Variants in SHCBP1 observed in about 807,000 individuals in gnomAD.
The protein encoded by SHCBP1 is SHC SH2 domain-binding protein 1.
SHCBP1 carries 60 observed loss-of-function variants against 75.1 expected under a neutral mutation model. That is an observed-to-expected ratio of 0.80 (90% CI 0.65 to 0.99). SHCBP1 has a LOEUF of 0.99. Ranked by LOEUF, SHCBP1 falls within the 50% of genes least tolerant of loss-of-function variation. The probability of loss-of-function intolerance (pLI) is 0.00; values close to 1 mark genes in which losing one functional copy is unlikely to be tolerated. For synonymous variants in SHCBP1, 290 were observed against 293.2 expected (o/e 0.99, Z 0.11); for missense variants, 709 against 809.4 (o/e 0.88, Z 1.50).
At chr16:46,593,133 G>A (rs1965077764) in intron 10 of SHCBP1, among the ~76,000 whole-genome samples, 1 of 151,028 alleles carries the variant, frequency 6.6e-6, no homozygotes, top group African/African-American at 2.5e-5. Flanking sequence ...TAAGGCAAGG[G>A]GGGAAAAAGG....
At chr16:46,606,153 T>C (rs1424342451) in intron 5 of SHCBP1, among the ~76,000 whole-genome samples, 1 of 152,208 alleles carries the variant, frequency 6.6e-6, no homozygotes, top group African/African-American at 2.4e-5. Context: ...TGATACTTCA[T>C]AGTCTAAAAG....
chr16:46,606,694 A>G (rs1273735276), intron 5 of SHCBP1, among the ~76,000 whole-genome samples: 2 of 152,244 alleles, frequency 1.3e-5, no homozygotes, highest in Admixed American at 1.3e-4. Context: ...TGAATATGCT[A>G]TGGAAAAATA....
At chr16:46,582,385 T>C (rs1242915789) in intron 12 of SHCBP1, among the ~76,000 whole-genome samples, 1 of 152,226 alleles carries the variant, frequency 6.6e-6, no homozygotes, top group African/African-American at 2.4e-5. Flanking sequence ...CCCCACCCCC[T>C]GGTATTACTT....
rs968047415 is a variant in SHCBP1, at chr16:46,580,567, T to G, written c.*1162A>C. ...AACAAGATTCAATTTTGTTATTTCA[T>G]CACTATAATTTTAATCATTAGGCAT... is the stretch of plus-strand genomic sequence containing the variant. On this transcript the variant is annotated 3_prime_UTR_variant, in exon 13 of 13. Transcript: ENST00000303383. 2 of 152,174 alleles carry G rather than the reference T, an allele frequency of 1.3e-5. No individual in the cohort carries two copies. The highest frequency in any genetic ancestry group is 2.9e-5 in the Non-Finnish European group (2 of 68,030). 9.4% of individuals were successfully genotyped at this position (152,174 alleles called of 1,614,324 possible). A position where few individuals can be genotyped will look rare whatever the true frequency, so the allele number is the denominator to read the frequency against.
intron 5 of SHCBP1, 28 bp downstream of exon 5, chr16:46,608,269 T>C: frequency 6.5e-7 from 1 of 1,539,582 alleles, no homozygotes; most frequent in Non-Finnish European, 9.0e-7. Flanking sequence ...TTCCAACATG[T>C]ACAACAAGGT....
In SHCBP1 at chr16:46,580,182, C is replaced by T. The variant is rs2142996790; in HGVS notation, c.*1547G>A. On this transcript the variant is annotated 3_prime_UTR_variant, in exon 13 of 13. Transcript: ENST00000303383. ...TGAATAAATGGTTTTTATCTTAAGGCATCACATCTAGAGGCAAAAATTAAA... is the reference window on the plus strand; with the variant it reads ...TGAATAAATGGTTTTTATCTTAAGGTATCACATCTAGAGGCAAAAATTAAA... Among the ~76,000 whole-genome samples, 1 of 150,378 alleles carries T rather than the reference C, an allele frequency of 6.6e-6. No individual in the cohort carries two copies. The highest frequency in any genetic ancestry group is 6.6e-5 in the Admixed American group (1 of 15,086).
intron 4 of SHCBP1, among the ~76,000 whole-genome samples, chr16:46,608,950 G>A (rs1327332894): frequency 1.3e-5 from 2 of 152,070 alleles, no homozygotes; most frequent in African/African-American, 4.8e-5. Flanking sequence ...GTACCTGGCT[G>A]GATGGTAGTG....
Position 46,604,159 on chromosome 16 carries a change from C to T in SHCBP1, c.924-16G>A, listed in dbSNP as rs1369449475. The T allele has an allele frequency of 6.2e-7, 1 of 1,613,290 alleles. No homozygotes were observed. Among genetic ancestry groups the T allele is most frequent in the African/African-American group, 1.3e-5 (1 of 74,870 alleles). On this transcript the variant is annotated splice_polypyrimidine_tract_variant and intron_variant, in intron 6 of 12. Transcript: ENST00000303383. ...AAACACATACCTTAAAGAAACGAAA[C>T]AGGCCTATCAGTAAGACAGCAAGTA...
rs1596664365 is a variant in SHCBP1 at position 46,579,345 on chromosome 16, A to G, written c.*2384T>C. Reference sequence around the variant, plus strand: ...CCATGATTGAGGCAAAATGTACTGCATATAACTTAAATAAGAACAAAGTAG... The same window carrying G: ...CCATGATTGAGGCAAAATGTACTGCGTATAACTTAAATAAGAACAAAGTAG... On this transcript the variant is annotated 3_prime_UTR_variant, in exon 13 of 13. Transcript: ENST00000303383. Among the ~76,000 whole-genome samples, 1 of 152,208 alleles carries G rather than the reference A, an allele frequency of 6.6e-6. No homozygotes were observed. Among genetic ancestry groups the G allele is most frequent in the Admixed American group, 6.5e-5 (1 of 15,284 alleles).
intron 10 of SHCBP1, among the ~76,000 whole-genome samples, chr16:46,585,155 C>T (rs1964937402): frequency 6.6e-6 from 1 of 152,054 alleles, no homozygotes; most frequent in Non-Finnish European, 1.5e-5. Context: ...TGTCAGGAAT[C>T]ACATAAAATT....
chr16:46,599,809 T>C lies in SHCBP1; in HGVS notation c.1345+22A>G, dbSNP rs554990314. On this transcript the variant is annotated intron_variant, in intron 9 of 12. Transcript: ENST00000303383. The stretch of plus-strand genomic sequence containing the variant: ...CCTTCAAATCTTAGAACAAATGATA[T>C]ACCAAACATTCAGATACTTACTTAA... 8.3e-5 allele frequency: 131 copies of C among 1,576,408 alleles called. No individual in the cohort carries two copies. The South Asian group carries it at 1.2e-3, about 14-fold the overall frequency.
At position 46,616,229 on chromosome 16, in the gene SHCBP1, C is replaced by G. The variant is rs1048987767; in HGVS notation, c.388-75G>C. The G allele has an allele frequency of 1.4e-6, 2 of 1,459,968 alleles. No individual in the cohort carries two copies. Among genetic ancestry groups the G allele is most frequent in the African/African-American group, 2.8e-5 (2 of 71,030 alleles). 90.4% of individuals were successfully genotyped at this position (1,459,968 alleles called of 1,614,324 possible). ...ACACCTATAAGACACTACTGACAAC[C>G]TGATTTTTTTAAAAGCATACAACAT... On this transcript the variant is annotated intron_variant, in intron 3 of 12. Coordinates refer to ENST00000303383, the MANE Select transcript of SHCBP1 (RefSeq NM_024745.5). The surrounding 1 kb of genome is among the most constrained non-coding windows in gnomAD (Gnocchi z 4.4).
intron 12 of SHCBP1, 109 bp from the exon 13 acceptor site, chr16:46,582,163 A>C: frequency 8.7e-7 from 1 of 1,145,526 alleles, no homozygotes; most frequent in Non-Finnish European, 1.2e-6. Context: ...TTTCTATACC[A>C]AGGTTCCCTG....
intron 5 of SHCBP1, 118 bp from the exon 6 acceptor site, chr16:46,604,579 G>A: frequency 1.5e-6 from 1 of 670,742 alleles, no homozygotes; most frequent in Non-Finnish European, 2.7e-6. Flanking sequence ...TAACTCAGGT[G>A]CATGTTAAGT....
At chr16:46,612,515 C>T (rs567398392) in intron 4 of SHCBP1, among the ~76,000 whole-genome samples, 2 of 152,114 alleles carry the variant, frequency 1.3e-5, no homozygotes, top group South Asian at 4.1e-4. Flanking sequence ...TGCCTCTACT[C>T]GATTGAAAAA....
chr16:46,599,684 A>AAAAAAC, intron 9 of SHCBP1, 147 bp downstream of exon 9: 1 of 330,770 alleles, frequency 3.0e-6, no homozygotes, highest in African/African-American at 2.2e-5. Flanking sequence ...AAAAAAAAAA[A>AAAAAAC]AAAAAAAACT....
intron 10 of SHCBP1, among the ~76,000 whole-genome samples, chr16:46,586,401 T>G (rs1287969273): frequency 1.3e-5 from 2 of 151,990 alleles, no homozygotes; most frequent in Non-Finnish European, 2.9e-5. Flanking sequence ...GACAGAACAG[T>G]AAAATTTACC....
In SHCBP1 at chr16:46,621,171, C is replaced by T; in HGVS notation, c.103+86G>A. 4 of 1,271,152 alleles carry T rather than the reference C, an allele frequency of 3.1e-6. No individual in the cohort carries two copies. In the East Asian group the frequency reaches 1.0e-4, roughly 32 times the overall value. The allele number at this position is 1,271,152 out of a possible 1,614,324, so 78.7% of individuals were successfully genotyped here. A position where few individuals can be genotyped will look rare whatever the true frequency, so the allele number is the denominator to read the frequency against. The stretch of plus-strand genomic sequence containing the variant: ...ACCCTGGACAGACGGGTCCGGAAGG[C>T]CCGCGACCCAGGCGCCCTCCTAGGG... On this transcript the variant is annotated intron_variant, in intron 1 of 12. Transcript: ENST00000303383.
chr16:46,593,833 C>T (rs1403263407), intron 10 of SHCBP1, among the ~76,000 whole-genome samples: 5 of 151,792 alleles, frequency 3.3e-5, no homozygotes, highest in African/African-American at 1.2e-4. Context: ...CCCAAATTGA[C>T]ATATGGGTTT....
Sources: allele counts gnomAD v4.1 joint callset (sites outside exome capture counted in the v4.1 genomes callset), GRCh38; gene constraint gnomAD v4.1.1; non-coding constraint Gnocchi (gnomAD v3.1); transcripts MANE v1.5; gene names NCBI Gene and HGNC (gene_info 2026-07-23, HGNC 2026-07-21).